Variants in CACNA1A observed in about 807,000 individuals in gnomAD.
The protein encoded by CACNA1A is voltage-dependent P/Q-type calcium channel subunit alpha-1A.
In CACNA1A, 57 loss-of-function variants were observed where a neutral mutation model predicts 262.4. The ratio of observed to expected loss-of-function variants is 0.22; its 90% CI spans 0.18 to 0.27. The LOEUF is 0.27. CACNA1A is among the 10% of genes least tolerant of loss of function. The probability of loss-of-function intolerance (pLI) is 1.00; values close to 1 mark genes in which losing one functional copy is unlikely to be tolerated. For missense variants in CACNA1A, 2,526 were observed against 3,562.8 expected, an observed-to-expected ratio of 0.71 and a Z score of 7.41; for synonymous variants, 1,431 against 1,419.3, an observed-to-expected ratio of 1.01 and a Z score of -0.18.
chr19:13,387,131 T>C (rs2059629090), intron 3 of CACNA1A, among the ~76,000 whole-genome samples: 1 of 152,102 alleles, frequency 6.6e-6, no homozygotes, highest in African/African-American at 2.4e-5. Context: ...TTTGTATTTT[T>C]AGTAGAGATG....
At chr19:13,411,582 T>C (rs1385116705) in intron 3 of CACNA1A, among the ~76,000 whole-genome samples, 19 of 152,158 alleles carry the variant, frequency 1.2e-4, no homozygotes, top group Admixed American at 1.2e-3. Context: ...CTTTATAAAT[T>C]ACCCAGTCTC....
chr19:13,444,369 T>C (rs2060773972), intron 3 of CACNA1A, among the ~76,000 whole-genome samples: 1 of 152,140 alleles, frequency 6.6e-6, no homozygotes, highest in South Asian at 2.1e-4. Context: ...GGAATGCTGT[T>C]TACATGTGAA....
chr19:13,261,366 GCCCAAGTGGCCAATGCCTCTAGCCACTT>G, intron 26 of CACNA1A, 56 bp downstream of exon 26: 1 of 1,214,594 alleles, frequency 8.2e-7, no homozygotes, highest in Non-Finnish European at 1.2e-6. Context: ...CAGTCTCTGA[GCCCAAGTGGCCAATGCCTCTAGCCACTT>G]CCCCCCTGCC....
intron 1 of CACNA1A, among the ~76,000 whole-genome samples, chr19:13,471,299 C>T (rs1311843407): frequency 6.6e-6 from 1 of 152,178 alleles, no homozygotes; most frequent in Admixed American, 6.5e-5. Flanking sequence ...CAAACCACTA[C>T]AGTGTCCAAG....
chr19:13,335,991 G>C (rs537656851), intron 6 of CACNA1A, 82 bp from the exon 7 acceptor site: 1 of 792,046 alleles, frequency 1.3e-6, no homozygotes, highest in Admixed American at 2.2e-5. Context: ...GGGGAAGCTC[G>C]GTTCTCTTGT....
intron 3 of CACNA1A, among the ~76,000 whole-genome samples, chr19:13,373,338 A>G (rs560699698): frequency 6.6e-6 from 1 of 152,218 alleles, no homozygotes; most frequent in East Asian, 1.9e-4. Context: ...TTTCAGTTTT[A>G]TCCAGGGGCT....
chr19:13,285,951 C>CT (rs1487466045), intron 20 of CACNA1A, among the ~76,000 whole-genome samples: 4 of 137,416 alleles, frequency 2.9e-5, no homozygotes, highest in Non-Finnish European at 6.1e-5. Context: ...AGCAGTTCAC[C>CT]ATTTTTTTTT....
At position 13,241,654 on chromosome 19, in the gene CACNA1A, G is replaced by A. The variant is rs924418395; in HGVS notation, c.4950+3528C>T. On this transcript the variant is annotated intron_variant, in intron 31 of 46. Coordinates refer to ENST00000360228, the MANE Select transcript of CACNA1A (RefSeq NM_001127222.2). This position sits in a 1 kb window ranked among gnomAD's most constrained non-coding sequence, Gnocchi z 4.0. ...CAATGGGTTTCGGTTCCCGGGCGGG[G>A]AGTGGGGGTGGTGGTGGCGGTGGGT... 9 of 647,272 alleles carry A rather than the reference G, an allele frequency of 1.4e-5. No individual in the cohort carries two copies. The highest frequency in any genetic ancestry group is 2.3e-5 in the Non-Finnish European group (8 of 352,996). The allele number at this position is 647,272 out of a possible 1,614,324, so 40.1% of individuals were successfully genotyped here. A position where few individuals can be genotyped will look rare whatever the true frequency, so the allele number is the denominator to read the frequency against.
At chr19:13,291,293 G>C (rs2057531972) in intron 19 of CACNA1A, among the ~76,000 whole-genome samples, 1 of 152,068 alleles carries the variant, frequency 6.6e-6, no homozygotes, top group African/African-American at 2.4e-5. Context: ...GATAATAACA[G>C]CAGTTCCTGT....
Position 13,307,767 on chromosome 19 carries a change from AG to A in CACNA1A, c.1986+14del. ...CTGAGAGGTGTTGGCCCGTGGGGCC[AG>A]GTGGAGGCTGTACCTGAAACACCGT... On this transcript the variant is annotated intron_variant, in intron 15 of 46. Coordinates refer to ENST00000360228, the MANE Select transcript of CACNA1A (RefSeq NM_001127222.2). The A allele has an allele frequency of 6.2e-7, 1 of 1,612,794 alleles. No individual in the cohort carries two copies. Among genetic ancestry groups the A allele is most frequent in the Non-Finnish European group, 8.5e-7 (1 of 1,178,732 alleles).
intron 19 of CACNA1A, among the ~76,000 whole-genome samples, chr19:13,289,157 T>TTTTG (rs1489356444): frequency 1.3e-5 from 2 of 150,936 alleles, no homozygotes; most frequent in South Asian, 2.1e-4. Context: ...TTTTTTTTTT[T>TTTTG]TTGAGACAGG....
chr19:13,407,311 A>G (rs1257308846), intron 3 of CACNA1A, among the ~76,000 whole-genome samples: 2 of 152,326 alleles, frequency 1.3e-5, no homozygotes, highest in East Asian at 3.9e-4. Flanking sequence ...AAACACAATT[A>G]TTAATTTCTC....
intron 3 of CACNA1A, among the ~76,000 whole-genome samples, chr19:13,391,167 G>A (rs1027108204): frequency 4.6e-5 from 7 of 152,336 alleles, no homozygotes; most frequent in African/African-American, 1.7e-4. Context: ...TTACAGGCGT[G>A]AGCCACCGCA....
rs926114591 is a variant in CACNA1A, at chr19:13,290,880, G to A, written c.3090-3914C>T. Among the ~76,000 whole-genome samples the A allele has an allele frequency of 5.3e-5, 8 of 152,150 alleles. No individual in the cohort carries two copies. The East Asian group carries it at 5.8e-4, about 11-fold the overall frequency. On this transcript the variant is annotated intron_variant, in intron 19 of 46. Coordinates refer to ENST00000360228, the MANE Select transcript of CACNA1A (RefSeq NM_001127222.2). Reference sequence around the variant, plus strand: ...AAGAAGCCATGGAGAAACTCGTGGCGGCATTTTCTTAGAGGAATACCATCT... The same window carrying A: ...AAGAAGCCATGGAGAAACTCGTGGCAGCATTTTCTTAGAGGAATACCATCT...
intron 10 of CACNA1A, among the ~76,000 whole-genome samples, chr19:13,327,773 A>G (rs1434599713): frequency 2.6e-5 from 4 of 152,118 alleles, no homozygotes; most frequent in Middle Eastern, 3.4e-3. Flanking sequence ...CGGTTTCACC[A>G]TGTTGGCCAG....
At position 13,505,810 on chromosome 19, in the gene CACNA1A, T is replaced by C. The variant is rs1356449479; in HGVS notation, c.293+122A>G. The C allele has an allele frequency of 9.3e-6, 9 of 970,956 alleles. No homozygotes were observed. The African/African-American group carries it at 1.2e-4, about 12-fold the overall frequency. 60.1% of individuals were successfully genotyped at this position (970,956 alleles called of 1,614,324 possible). On this transcript the variant is annotated intron_variant, in intron 1 of 46. Transcript: ENST00000360228. ...TCCCGGTGCCCCCTCTCCCAGCCCC[T>C]GGAAGACCCCCCTCCTCCCCACCTC...
In CACNA1A at chr19:13,501,859, C is replaced by T. The variant is rs186779408; in HGVS notation, c.293+4073G>A. Among the ~76,000 whole-genome samples, 9 of 152,230 alleles carry T rather than the reference C, an allele frequency of 5.9e-5. No individual in the cohort carries two copies. The East Asian group carries it at 7.7e-4, about 13-fold the overall frequency. On this transcript the variant is annotated intron_variant, in intron 1 of 46. Coordinates refer to ENST00000360228, the MANE Select transcript of CACNA1A (RefSeq NM_001127222.2). ...GTTAGGTTTTACCTCTATATGAGCT[C>T]GTCTTTTGGTTTTTGGAGCTTTTTG...
chr19:13,323,177 T>C (rs2058289665), intron 10 of CACNA1A, among the ~76,000 whole-genome samples: 1 of 152,132 alleles, frequency 6.6e-6, no homozygotes, highest in Admixed American at 6.5e-5. Flanking sequence ...GAGAATCCCT[T>C]GAACCCAGGA....
At chr19:13,289,237 G>GCT (rs539605042) in intron 19 of CACNA1A, among the ~76,000 whole-genome samples, 240 of 151,326 alleles carry the variant, frequency 1.6e-3, no homozygotes, top group Non-Finnish European at 2.9e-3. Flanking sequence ...CACCTCCCAG[G>GCT]CTCAGGCAAT....
Sources: allele counts gnomAD v4.1 joint callset (sites outside exome capture counted in the v4.1 genomes callset), GRCh38; gene constraint gnomAD v4.1.1; non-coding constraint Gnocchi (gnomAD v3.1); transcripts MANE v1.5; gene names NCBI Gene and HGNC (gene_info 2026-07-23, HGNC 2026-07-21).